PPFIA2: variants seen among roughly 807,000 people sequenced by gnomAD.
PPFIA2 encodes liprin-alpha-2.
Under a neutral mutation model 175.5 loss-of-function variants are expected in PPFIA2, and 46 were observed. That is an observed-to-expected ratio of 0.26 (90% CI 0.21 to 0.34). The LOEUF is 0.34. PPFIA2 is among the 10% of genes least tolerant of loss of function. PPFIA2 has a pLI of 1.00. For synonymous variants in PPFIA2, 568 were observed against 511.4 expected, an observed-to-expected ratio of 1.11 and a Z score of -1.49; for missense variants, 1,179 against 1,506.1, an observed-to-expected ratio of 0.78 and a Z score of 3.60.
intron 4 of PPFIA2, among the ~76,000 whole-genome samples, chr12:81,619,660 A>G (rs1438764487): frequency 6.6e-6 from 1 of 152,190 alleles, no homozygotes; most frequent in Non-Finnish European, 1.5e-5. Context: ...TATTTTTGCA[A>G]ACAAAATGCT....
intron 7 of PPFIA2, among the ~76,000 whole-genome samples, chr12:81,423,208 A>G (rs771196865): frequency 2.6e-5 from 4 of 152,200 alleles, no homozygotes; most frequent in Non-Finnish European, 5.9e-5. Context: ...AATTGATACC[A>G]ACTCATCTTA....
chr12:81,654,272 C>T (rs933325697), intron 4 of PPFIA2, among the ~76,000 whole-genome samples: 1 of 151,930 alleles, frequency 6.6e-6, no homozygotes, highest in African/African-American at 2.4e-5. Context: ...CTATTTTATA[C>T]TGATTTTTTT....
At chr12:81,745,947 C>CTGTGCATTAATAAGTT (rs1327680732) in intron 3 of PPFIA2, among the ~76,000 whole-genome samples, 4 of 107,212 alleles carry the variant, frequency 3.7e-5, no homozygotes, top group Admixed American at 2.3e-4. Flanking sequence ...AACAAACAAA[C>CTGTGCATTAATAAGTT]AGCTTTCCAA....
At chr12:81,373,621 A>G (rs915345339) in intron 11 of PPFIA2, among the ~76,000 whole-genome samples, 1 of 151,544 alleles carries the variant, frequency 6.6e-6, no homozygotes, top group Non-Finnish European at 1.5e-5. Context: ...TGCTCTACGC[A>G]GTCAAAGGTT....
chr12:81,467,007 T>G (rs2055784807), intron 4 of PPFIA2, among the ~76,000 whole-genome samples: 1 of 150,538 alleles, frequency 6.6e-6, no homozygotes, highest in Non-Finnish European at 1.5e-5. Flanking sequence ...TAACTCGAGA[T>G]TCACCTACCC....
At chr12:81,432,983 A>T (rs1168082292) in intron 7 of PPFIA2, among the ~76,000 whole-genome samples, 1 of 151,732 alleles carries the variant, frequency 6.6e-6, no homozygotes, top group African/African-American at 2.4e-5. Context: ...AAAAAAAACC[A>T]CACAAAAACA....
chr12:81,661,167 A>G (rs1190940610), intron 4 of PPFIA2, among the ~76,000 whole-genome samples: 3 of 152,228 alleles, frequency 2.0e-5, no homozygotes, highest in Non-Finnish European at 4.4e-5. Context: ...AGCTAACATC[A>G]TAATGACAGG....
chr12:81,518,394 T>C (rs896332789), intron 4 of PPFIA2, among the ~76,000 whole-genome samples: 1 of 152,146 alleles, frequency 6.6e-6, no homozygotes, highest in African/African-American at 2.4e-5. Context: ...TTTCCAATGC[T>C]TTTACTCCCT....
At chr12:81,377,603 G>A (rs2141796263) in intron 9 of PPFIA2, among the ~76,000 whole-genome samples, 1 of 151,454 alleles carries the variant, frequency 6.6e-6, no homozygotes, top group South Asian at 2.1e-4. Context: ...AACTCATCAT[G>A]TTGTCCCTAG....
rs1184797855 is a variant in PPFIA2 at position 81,707,934 on chromosome 12, A to C, written c.250-31090T>G. Among the ~76,000 whole-genome samples the C allele has an allele frequency of 4.7e-5, 7 of 150,012 alleles. No homozygotes were observed. In the East Asian group the frequency reaches 1.2e-3, roughly 26 times the overall value. On this transcript the variant is annotated intron_variant, in intron 3 of 32. Transcript: ENST00000549396. ...AACTATCGCAAGAACAAAAAACCAAACATCACATATTCTCACTCATAGGTG... is the reference window on the plus strand; with the variant it reads ...AACTATCGCAAGAACAAAAAACCAACCATCACATATTCTCACTCATAGGTG...
At chr12:81,473,783 T>C (rs2057099375) in intron 4 of PPFIA2, among the ~76,000 whole-genome samples, 2 of 152,234 alleles carry the variant, frequency 1.3e-5, no homozygotes, top group South Asian at 4.1e-4. Context: ...TGCAGAACCA[T>C]GACTTTGCTT....
chr12:81,271,966 T>C (rs919958204), intron 28 of PPFIA2, among the ~76,000 whole-genome samples: 1 of 152,174 alleles, frequency 6.6e-6, no homozygotes, highest in African/African-American at 2.4e-5. Context: ...TGTCTGAAAG[T>C]TTATTAATTC....
intron 22 of PPFIA2, among the ~76,000 whole-genome samples, chr12:81,304,405 T>C (rs760017081): frequency 6.6e-6 from 1 of 151,938 alleles, no homozygotes; most frequent in Non-Finnish European, 1.5e-5. Context: ...TACATTCCAG[T>C]GAGGAAGGAA....
At chr12:81,280,091 T>G (rs1431920839) in intron 27 of PPFIA2, among the ~76,000 whole-genome samples, 1 of 152,218 alleles carries the variant, frequency 6.6e-6, no homozygotes, top group East Asian at 1.9e-4. Flanking sequence ...TTATAACAAT[T>G]TGATACCCAC....
intron 14 of PPFIA2, among the ~76,000 whole-genome samples, chr12:81,364,711 T>C (rs751555886): frequency 1.1e-4 from 17 of 151,718 alleles, no homozygotes; most frequent in Non-Finnish European, 2.1e-4. Context: ...AAGAGAGTAA[T>C]GGTTTGGACA....
chr12:81,371,800 GC>G (rs2035175439), intron 11 of PPFIA2, among the ~76,000 whole-genome samples: 1 of 151,572 alleles, frequency 6.6e-6, no homozygotes, highest in African/African-American at 2.4e-5. Context: ...TTGGTTAATT[GC>G]GTATAAACTC....
At chr12:81,484,303 CCA>C (rs1271133712) in intron 4 of PPFIA2, among the ~76,000 whole-genome samples, 1 of 151,852 alleles carries the variant, frequency 6.6e-6, no homozygotes, top group Non-Finnish European at 1.5e-5. Context: ...GTGGTTTTAA[CCA>C]CAGTGATGCT....
intron 4 of PPFIA2, among the ~76,000 whole-genome samples, chr12:81,630,513 C>G (rs2063247197): frequency 6.6e-6 from 1 of 151,994 alleles, no homozygotes; most frequent in Non-Finnish European, 1.5e-5. Context: ...ATTGAGAAGC[C>G]CCTCAAAAGG....
chr12:81,516,621 A>C (rs1438840363), intron 4 of PPFIA2, among the ~76,000 whole-genome samples: 1 of 152,198 alleles, frequency 6.6e-6, no homozygotes, highest in Admixed American at 6.5e-5. Flanking sequence ...GGGAGAGGTC[A>C]TCTACAACAC....
Sources: allele counts gnomAD v4.1 joint callset (sites outside exome capture counted in the v4.1 genomes callset), GRCh38; gene constraint gnomAD v4.1.1; transcripts MANE v1.5; gene names NCBI Gene and HGNC (gene_info 2026-07-23, HGNC 2026-07-21).